Variants in CALCRL observed in about 807,000 individuals in gnomAD.
CALCRL encodes calcitonin gene-related peptide type 1 receptor.
In CALCRL, 27 loss-of-function variants were observed where a neutral mutation model predicts 60.4. The ratio of observed to expected loss-of-function variants is 0.45; its 90% confidence interval spans 0.33 to 0.62. The LOEUF (loss-of-function observed/expected upper bound fraction) is 0.62, where lower values mean the gene tolerates loss of function less well. Ranked by LOEUF, CALCRL falls within the 20% of genes least tolerant of loss-of-function variation. The pLI, the probability that CALCRL is intolerant of heterozygous loss-of-function variation, is 0.03. For synonymous variants in CALCRL, 190 were observed against 182.6 expected, an observed-to-expected ratio of 1.04 and a Z score of -0.33; for missense variants, 424 against 540.7, an observed-to-expected ratio of 0.78 and a Z score of 2.14.
intron 1 of CALCRL, among the ~76,000 whole-genome samples, chr2:187,423,329 AAC>A (rs2105877299): frequency 6.6e-6 from 1 of 151,860 alleles, no homozygotes; most frequent in Admixed American, 6.6e-5. Flanking sequence ...TTTGAAGTTA[AAC>A]CAATGTGCTT....
chr2:187,400,162 C>G (rs1688826890), intron 1 of CALCRL, among the ~76,000 whole-genome samples: 1 of 151,452 alleles, frequency 6.6e-6, no homozygotes, highest in South Asian at 2.1e-4. Flanking sequence ...CTAACTTGAT[C>G]ACTACACATT....
chr2:187,378,625 A>T (rs1687863561), intron 8 of CALCRL, among the ~76,000 whole-genome samples: 1 of 152,184 alleles, frequency 6.6e-6, no homozygotes, highest in Admixed American at 6.5e-5. Flanking sequence ...AGCTAAACAC[A>T]CAATTAAGAA....
chr2:187,442,230 T>G (rs1391167919), intron 1 of CALCRL, among the ~76,000 whole-genome samples: 1 of 150,566 alleles, frequency 6.6e-6, no homozygotes, highest in Non-Finnish European at 1.5e-5. Context: ...CCTTATTTTA[T>G]AAGAGTAACT....
intron 1 of CALCRL, among the ~76,000 whole-genome samples, chr2:187,427,056 A>G (rs1438299587): frequency 4.6e-5 from 7 of 152,160 alleles, no homozygotes; most frequent in African/African-American, 1.4e-4. Flanking sequence ...CCTTCCAAAA[A>G]TGCTCTCTAG....
intron 8 of CALCRL, among the ~76,000 whole-genome samples, chr2:187,363,741 C>A (rs994546327): frequency 6.6e-6 from 1 of 152,100 alleles, no homozygotes; most frequent in African/African-American, 2.4e-5. Context: ...AGAAAATTTG[C>A]CTGTACAAGT....
At chr2:187,425,935 T>C (rs1690097604) in intron 1 of CALCRL, among the ~76,000 whole-genome samples, 1 of 151,988 alleles carries the variant, frequency 6.6e-6, no homozygotes, top group African/African-American at 2.4e-5. Flanking sequence ...ACCACATTCA[T>C]TTAAAATAAA....
chr2:187,428,456 G>A (rs1285464494), intron 1 of CALCRL: 1 of 152,044 alleles, frequency 6.6e-6, no homozygotes, highest in Admixed American at 6.5e-5. Context: ...CTTTAATTAT[G>A]ACCTACAAGT....
intron 1 of CALCRL, among the ~76,000 whole-genome samples, chr2:187,427,018 C>T (rs752200351): frequency 1.6e-4 from 24 of 152,124 alleles, no homozygotes; most frequent in Admixed American, 2.0e-4. Context: ...TCCCTGTCCC[C>T]TTGTTTGTGG....
chr2:187,373,626 GA>G (rs1687624079), intron 8 of CALCRL, among the ~76,000 whole-genome samples: 1 of 152,152 alleles, frequency 6.6e-6, no homozygotes, highest in Non-Finnish European at 1.5e-5. Context: ...GGACTAATAA[GA>G]AGTGAGAACA....
intron 1 of CALCRL, among the ~76,000 whole-genome samples, chr2:187,401,261 C>G (rs1688877151): frequency 6.6e-6 from 1 of 151,634 alleles, no homozygotes; most frequent in Non-Finnish European, 1.5e-5. Context: ...TCTCTCACCT[C>G]TCCTGCCTTC....
At chr2:187,411,978 CAAAAAAAAA>C (rs56075258) in intron 1 of CALCRL, among the ~76,000 whole-genome samples, 1 of 61,474 alleles carries the variant, frequency 1.6e-5, no homozygotes, top group East Asian at 4.3e-4. Context: ...GACTCTGTCT[CAAAAAAAAA>C]AAAAAAAAAA....
At chr2:187,358,301 A>G (rs1199461732) in intron 12 of CALCRL, among the ~76,000 whole-genome samples, 2 of 152,072 alleles carry the variant, frequency 1.3e-5, no homozygotes, top group African/African-American at 4.8e-5. Context: ...GGCTGCAGTG[A>G]GCTGTGATCA....
At chr2:187,400,288 A>C (rs901433730) in intron 1 of CALCRL, among the ~76,000 whole-genome samples, 4 of 151,408 alleles carry the variant, frequency 2.6e-5, no homozygotes, top group Non-Finnish European at 4.4e-5. Flanking sequence ...AAAGATGTTC[A>C]ATATTCTTAG....
At chr2:187,360,303 G>T (rs73979869) in intron 10 of CALCRL, among the ~76,000 whole-genome samples, 6,327 of 152,014 alleles carry the variant, frequency 0.042, 285 homozygotes, top group East Asian at 0.18. Context: ...TTTAATTTAT[G>T]ATTCTACTTC....
At chr2:187,379,816 T>A (rs545962668) in intron 7 of CALCRL, among the ~76,000 whole-genome samples, 42 of 152,256 alleles carry the variant, frequency 2.8e-4, no homozygotes, top group African/African-American at 9.4e-4. Flanking sequence ...AGCAGAGAGA[T>A]GTAAAATGGC....
chr2:187,350,479 T>C (rs556924078), intron 14 of CALCRL, among the ~76,000 whole-genome samples: 225 of 151,440 alleles, frequency 1.5e-3, no homozygotes, highest in African/African-American at 5.2e-3. Flanking sequence ...GTCTTCTGTA[T>C]AGCAGAAGAA....
chr2:187,396,682 A>G lies in CALCRL; in HGVS notation c.-292-8926T>C, dbSNP rs187153374. ...CTGGTATAGAAATTGCCAATTTTTA[A>G]AAGTCATCAAAAACTCTCATGAAAA... On this transcript the variant is annotated intron_variant, in intron 1 of 14. Coordinates refer to ENST00000392370, the MANE Select transcript of CALCRL (RefSeq NM_005795.6). 3.2e-3 allele frequency among the ~76,000 whole-genome samples: 482 copies of G among 151,936 alleles called. 5 individuals carry two copies. Among genetic ancestry groups the G allele is most frequent in the African/African-American group, 0.011 (452 of 41,538 alleles).
At chr2:187,366,892 C>T (rs998340590) in intron 8 of CALCRL, among the ~76,000 whole-genome samples, 5 of 144,202 alleles carry the variant, frequency 3.5e-5, no homozygotes, top group African/African-American at 7.7e-5. Flanking sequence ...TATTATCTTC[C>T]AAAAATGTCA....
chr2:187,387,557 T>C, intron 2 of CALCRL, 64 bp from the exon 3 acceptor site: 1 of 369,408 alleles, frequency 2.7e-6, no homozygotes, highest in Non-Finnish European at 4.8e-6. Flanking sequence ...AGTAGTGTTG[T>C]TATAGACAGA....
Sources: gnomAD v4.1 joint callset for allele counts (sites outside exome capture counted in the v4.1 genomes callset) on GRCh38, gnomAD v4.1.1 for gene constraint, MANE v1.5 for transcripts, NCBI Gene and HGNC (gene_info 2026-07-23, HGNC 2026-07-21) for gene names.